Variants in SLC36A4 observed in about 807,000 individuals in gnomAD.
The protein encoded by SLC36A4 is solute carrier family 36 member 4.
SLC36A4 carries 49 observed loss-of-function variants against 50.5 expected under a neutral mutation model. That is an observed-to-expected ratio of 0.97 (90% CI 0.77 to 1.23). The LOEUF (loss-of-function observed/expected upper bound fraction) is 1.23, where lower values mean the gene tolerates loss of function less well. Ranked by LOEUF, SLC36A4 falls within the 50% of genes most tolerant of loss-of-function variation. The pLI is 0.00. For synonymous variants in SLC36A4, 207 were observed against 206.5 expected (o/e 1.00, Z -0.02); for missense variants, 611 against 608.4 (o/e 1.00, Z -0.05).
intron 6 of SLC36A4, among the ~76,000 whole-genome samples, chr11:93,175,927 G>C (rs12221576): frequency 0.13 from 15,775 of 124,288 alleles, 922 homozygotes; most frequent in East Asian, 0.35. Context: ...ATATTCTGTT[G>C]ATTTGGGGTG....
At chr11:93,155,692 AC>A in intron 9 of SLC36A4, among the ~76,000 whole-genome samples, 1 of 152,114 alleles carries the variant, frequency 6.6e-6, no homozygotes, top group Middle Eastern at 3.4e-3. Flanking sequence ...TAAGCCTAGT[AC>A]CCATTGGTTA....
In SLC36A4 at chr11:93,153,026, C is replaced by T. The variant is rs564044416; in HGVS notation, c.1207+1082G>A. On this transcript the variant is annotated intron_variant, in intron 10 of 10. Transcript: ENST00000326402. The stretch of plus-strand genomic sequence containing the variant: ...ATATAATTCATTTAAGTAATTACTT[C>T]GAAAAATACATTTTATCTACTTTTT... 2.0e-5 allele frequency among the ~76,000 whole-genome samples: 3 copies of T among 152,076 alleles called. No individual in the cohort carries two copies. In the East Asian group the frequency reaches 5.8e-4, roughly 29 times the overall value.
chr11:93,177,327 T>C (rs1322911198), intron 6 of SLC36A4, among the ~76,000 whole-genome samples: 3 of 152,184 alleles, frequency 2.0e-5, no homozygotes, highest in Admixed American at 6.5e-5. Flanking sequence ...CTCTTCACTA[T>C]TTATTCCAGT....
chr11:93,159,194 A>AG (rs1361004432), intron 9 of SLC36A4, among the ~76,000 whole-genome samples: 1 of 152,176 alleles, frequency 6.6e-6, no homozygotes, highest in African/African-American at 2.4e-5. Context: ...TTAATACCTT[A>AG]GTAAAGGACA....
At chr11:93,184,356 A>T in intron 3 of SLC36A4, 74 bp downstream of exon 3, 1 of 880,320 alleles carries the variant, frequency 1.1e-6, no homozygotes, top group Non-Finnish European at 1.9e-6. Flanking sequence ...ATATTTGACT[A>T]GGCCAGATAT....
intron 9 of SLC36A4, chr11:93,155,177 A>T (rs1860294348): frequency 1.3e-5 from 2 of 152,170 alleles, no homozygotes; most frequent in African/African-American, 4.8e-5. Context: ...ATTTAAAAAA[A>T]CATTTTAATA....
intron 1 of SLC36A4, among the ~76,000 whole-genome samples, chr11:93,194,062 A>C (rs1862323093): frequency 6.6e-6 from 1 of 152,144 alleles, no homozygotes; most frequent in Non-Finnish European, 1.5e-5. Flanking sequence ...GCTAAGTGGG[A>C]AAAGTTGAAT....
At chr11:93,183,847 G>A (rs1393769150) in intron 3 of SLC36A4, among the ~76,000 whole-genome samples, 1 of 151,842 alleles carries the variant, frequency 6.6e-6, no homozygotes, top group Non-Finnish European at 1.5e-5. Flanking sequence ...ACAGGCATCC[G>A]CCACCACGCC....
At chr11:93,151,991 C>T (rs763365009) in intron 10 of SLC36A4, 5 of 151,958 alleles carry the variant, frequency 3.3e-5, no homozygotes, top group Non-Finnish European at 7.4e-5. Flanking sequence ...AGGGAACACG[C>T]AGGAGGAGTC....
Position 93,182,519 on chromosome 11 carries a change from T to C in SLC36A4, c.359+287A>G, listed in dbSNP as rs1861782408. 2.0e-5 allele frequency among the ~76,000 whole-genome samples: 3 copies of C among 152,110 alleles called. No homozygotes were observed. The South Asian group carries it at 6.2e-4, about 31-fold the overall frequency. ...ACATTGAAGACTATTATGCTATAGC[T>C]AAAAATCACACCACTGTCTCCATTG... On this transcript the variant is annotated intron_variant, in intron 4 of 10. Coordinates refer to ENST00000326402, the MANE Select transcript of SLC36A4 (RefSeq NM_152313.4).
chr11:93,165,468 G>C (rs914028275), intron 8 of SLC36A4, among the ~76,000 whole-genome samples: 5 of 152,072 alleles, frequency 3.3e-5, no homozygotes, highest in Non-Finnish European at 7.4e-5. Flanking sequence ...CAGTGATTCT[G>C]CAACTATTCT....
chr11:93,159,870 A>C lies in SLC36A4; in HGVS notation c.1037+2836T>G. 15 of 985,374 alleles carry C rather than the reference A, an allele frequency of 1.5e-5. 1 individual carries two copies. Among genetic ancestry groups the C allele is most frequent in the Non-Finnish European group, 1.8e-5 (15 of 829,914 alleles). 61.0% of individuals were successfully genotyped at this position (985,374 alleles called of 1,614,324 possible). A position where few individuals can be genotyped will look rare whatever the true frequency, so the allele number is the denominator to read the frequency against. On this transcript the variant is annotated intron_variant, in intron 9 of 10. Transcript: ENST00000326402. ...GCAGAAATAACCCTAATATACTCTG[A>C]GACTTTGCCAATCTGTACCAAAAGC... is the stretch of plus-strand genomic sequence containing the variant.
chr11:93,162,684 T>A (rs1262479895), intron 9 of SLC36A4, 22 bp downstream of exon 9: 3 of 1,555,822 alleles, frequency 1.9e-6, no homozygotes, highest in African/African-American at 2.8e-5. Flanking sequence ...AAACTAATAT[T>A]GACAAATTCA....
chr11:93,154,483 T>C, intron 9 of SLC36A4: 1 of 275,700 alleles, frequency 3.6e-6, no homozygotes, highest in Non-Finnish European at 6.7e-6. Flanking sequence ...TTCACAAGAC[T>C]GGAAAGCTTG....
At chr11:93,165,823 A>G in intron 8 of SLC36A4, 95 bp downstream of exon 8, 2 of 737,738 alleles carry the variant, frequency 2.7e-6, no homozygotes. Flanking sequence ...TTGAAATAAA[A>G]AAGAAAAATA....
At chr11:93,160,689 A>T in intron 9 of SLC36A4, 1 of 985,380 alleles carries the variant, frequency 1.0e-6, no homozygotes, top group Non-Finnish European at 1.2e-6. Flanking sequence ...CCCACTTTGG[A>T]AACTTCCCCC....
chr11:93,149,199 G>C (rs1174472436), intron 10 of SLC36A4, among the ~76,000 whole-genome samples: 1 of 152,076 alleles, frequency 6.6e-6, no homozygotes, highest in Non-Finnish European at 1.5e-5. Flanking sequence ...ACAAGACATA[G>C]AGTGGTGGGA....
intron 1 of SLC36A4, chr11:93,193,095 TG>T: frequency 1.3e-6 from 1 of 787,802 alleles, no homozygotes; most frequent in Non-Finnish European, 1.5e-6. Flanking sequence ...TTAAGCTCTA[TG>T]GGATTTTTAA....
At position 93,180,063 on chromosome 11, in the gene SLC36A4, C is replaced by T. The variant is rs1257994456; in HGVS notation, c.540+734G>A. 8 of 938,524 alleles carry T rather than the reference C, an allele frequency of 8.5e-6. No homozygotes were observed. The Admixed American group carries it at 2.5e-4, about 29-fold the overall frequency. 58.1% of individuals were successfully genotyped at this position (938,524 alleles called of 1,614,324 possible). A position where few individuals can be genotyped will look rare whatever the true frequency, so the allele number is the denominator to read the frequency against. ...GCATAAAAATATCTACAAGACAATC[C>T]TATATATTACTATGTAAAATGTTTA... On this transcript the variant is annotated intron_variant, in intron 6 of 10. Coordinates refer to ENST00000326402, the MANE Select transcript of SLC36A4 (RefSeq NM_152313.4).
Sources: gnomAD v4.1 joint callset for allele counts (sites outside exome capture counted in the v4.1 genomes callset) on GRCh38, gnomAD v4.1.1 for gene constraint, MANE v1.5 for transcripts, NCBI Gene and HGNC (gene_info 2026-07-23, HGNC 2026-07-21) for gene names.